Variants in ABCC10 observed in about 807,000 individuals in gnomAD.
The protein encoded by ABCC10 is ATP binding cassette subfamily C member 10, also known as ATP-binding cassette sub-family C member 10.
Under a neutral mutation model 143.2 loss-of-function variants are expected in ABCC10, and 110 were observed. The ratio of observed to expected loss-of-function variants is 0.77; its 90% CI spans 0.66 to 0.90. The LOEUF (loss-of-function observed/expected upper bound fraction) is 0.90, where lower values mean the gene tolerates loss of function less well. Among genes scored for constraint, ABCC10 ranks in the 40% least tolerant of loss-of-function variants. The probability of loss-of-function intolerance (pLI) is 0.00; values close to 1 mark genes in which losing one functional copy is unlikely to be tolerated. For synonymous variants in ABCC10, 805 were observed against 846.7 expected (o/e 0.95, Z 0.85); for missense variants, 1,700 against 1,900.5 (o/e 0.89, Z 1.96).
chr6:43,437,890 C>G, intron 6 of ABCC10, 44 bp from the exon 7 acceptor site: 1 of 1,587,600 alleles, frequency 6.3e-7, no homozygotes, highest in Non-Finnish European at 8.6e-7. Flanking sequence ...CCACCTCTGT[C>G]CTGTCTCCTA....
At position 43,443,697 on chromosome 6, in the gene ABCC10, C is replaced by T. The variant is rs747179377; in HGVS notation, c.2417-236C>T. On this transcript the variant is annotated intron_variant, in intron 10 of 21. Coordinates refer to ENST00000372530, the MANE Select transcript of ABCC10 (RefSeq NM_001198934.2). This position sits in a 1 kb window ranked among gnomAD's most constrained non-coding sequence, Gnocchi z 4.2. ...TGGACATTCGTCCCTCTCTGCTGGT[C>T]GGAATCAAGGTTTACAAGGATGGAC... 8.0e-5 allele frequency: 40 copies of T among 502,532 alleles called. No homozygotes were observed. The highest frequency in any genetic ancestry group is 1.2e-4 in the Non-Finnish European group (33 of 277,492). 31.1% of individuals were successfully genotyped at this position (502,532 alleles called of 1,614,324 possible). A position where few individuals can be genotyped will look rare whatever the true frequency, so the allele number is the denominator to read the frequency against.
At chr6:43,441,985 T>C in intron 9 of ABCC10, 25 bp downstream of exon 9, 1 of 1,605,092 alleles carries the variant, frequency 6.2e-7, no homozygotes, top group East Asian at 2.2e-5. Context: ...GAGGTTGCAG[T>C]GGCAGGGAGG....
downstream of ABCC10, chr6:43,450,587 G>A (rs747244019): frequency 1.3e-6 from 2 of 1,588,524 alleles, no homozygotes; most frequent in Admixed American, 3.4e-5. The surrounding 1 kb of genome is among the most constrained non-coding windows in gnomAD (Gnocchi z 4.5). Flanking sequence ...CACGTGGCAG[G>A]GGGAGCCCTG....
chr6:43,443,889 A>G lies in ABCC10; in HGVS notation c.2417-44A>G. On this transcript the variant is annotated intron_variant, in intron 10 of 21. Transcript: ENST00000372530. The surrounding 1 kb of genome is among the most constrained non-coding windows in gnomAD (Gnocchi z 4.2). ...ACACGCACTGAGAAAGGCATAGTAT[A>G]GACTCAGAACAGTCCTCTCCCAATC... 6.4e-7 allele frequency: 1 copy of G among 1,555,834 alleles called. No individual in the cohort carries two copies. Among genetic ancestry groups the G allele is most frequent in the Non-Finnish European group, 8.9e-7 (1 of 1,126,838 alleles).
Position 43,432,790 on chromosome 6 carries a change from G to A in ABCC10, c.810G>A (p.Gly270=), listed in dbSNP as rs779458347. ...TCTTCCAGGCACACTGGCAGGAGGG[G>A]GCACGGCTGTGGAGGGCCTTGTATG... is the stretch of plus-strand genomic sequence containing the variant. ...ARVFQAHWQE[G]ARLWRALYGA... The change falls in exon 3 of 22, where the codon GGG becomes GGA. Residue 270 remains glycine (G), a synonymous_variant. Transcript: ENST00000372530. The A allele has an allele frequency of 3.3e-5, 54 of 1,614,062 alleles. No homozygotes were observed. The Middle Eastern group carries it at 9.9e-4, about 29-fold the overall frequency.
downstream of ABCC10, chr6:43,450,620 C>T (rs367782626): frequency 3.7e-6 from 6 of 1,611,274 alleles, no homozygotes; most frequent in African/African-American, 8.0e-5. This position sits in a 1 kb window ranked among gnomAD's most constrained non-coding sequence, Gnocchi z 4.5. Flanking sequence ...TAACCTGACA[C>T]TCCTGGTCCT....
chr6:43,450,187 C>T lies in ABCC10; in HGVS notation c.*96C>T. On this transcript the variant is annotated 3_prime_UTR_variant, in exon 22 of 22. Transcript: ENST00000372530. The surrounding 1 kb of genome is among the most constrained non-coding windows in gnomAD (Gnocchi z 4.5). ...TGCTTGTTTACATTCTCCTCTGGGG[C>T]TCTACCTCTCCACACTTCCCCAGAA... The T allele has an allele frequency of 7.2e-7, 1 of 1,385,472 alleles. No individual in the cohort carries two copies. The highest frequency in any genetic ancestry group is 1.5e-5 in the African/African-American group (1 of 68,842). The allele number at this position is 1,385,472 out of a possible 1,614,324, so 85.8% of individuals were successfully genotyped here.
At chr6:43,444,112 C>T (rs1157556844) in intron 11 of ABCC10, 47 bp from the exon 12 acceptor site, 2 of 1,610,340 alleles carry the variant, frequency 1.2e-6, no homozygotes, top group Admixed American at 1.7e-5. Flanking sequence ...GAGTTTTCAG[C>T]TGGCACCCTG....
chr6:43,449,007 T>C lies in ABCC10; in HGVS notation c.4086T>C (p.Ser1362=), dbSNP rs757886613. 1 of 1,613,596 alleles carries C rather than the reference T, an allele frequency of 6.2e-7. No homozygotes were observed. Among genetic ancestry groups the C allele is most frequent in the Non-Finnish European group, 8.5e-7 (1 of 1,179,816 alleles). ...AGGCCCTGAAGCAGTGCCACCTGAG[T>C]GAGGTGATTACATCCATGGGTGAGT... ...LWQALKQCHL[S]EVITSMGGLD... Residue 1362 remains serine (S), a synonymous_variant, in exon 19 of 22, where the codon AGT becomes AGC. Coordinates refer to ENST00000372530, the MANE Select transcript of ABCC10 (RefSeq NM_001198934.2).
Position 43,432,403 on chromosome 6 carries a change from G to C in ABCC10, c.423G>C (p.Leu141Phe). The part of the protein sequence containing the change: ...RGPLALALVA[L>F]LPAPALVLTV... Reference sequence around the variant, plus strand: ...CCTTGGCCTTGGCCCTGGTAGCCTTGCTGCCAGCTCCAGCCCTAGTGCTGA... The same window carrying C: ...CCTTGGCCTTGGCCCTGGTAGCCTTCCTGCCAGCTCCAGCCCTAGTGCTGA... Residue 141 changes from leucine (L) to phenylalanine (F), a missense_variant, in exon 3 of 22, where the codon TTG (leucine) becomes TTC (phenylalanine). Coordinates refer to ENST00000372530, the MANE Select transcript of ABCC10 (RefSeq NM_001198934.2). 6.2e-7 allele frequency: 1 copy of C among 1,612,152 alleles called. No homozygotes were observed. Among genetic ancestry groups the C allele is most frequent in the South Asian group, 1.1e-5 (1 of 91,092 alleles).
chr6:43,450,298 C>A lies in ABCC10; in HGVS notation c.*207C>A. The A allele has an allele frequency of 1.2e-6, 1 of 835,342 alleles. No homozygotes were observed. The highest frequency in any genetic ancestry group is 1.8e-6 in the Non-Finnish European group (1 of 565,170). 51.7% of individuals were successfully genotyped at this position (835,342 alleles called of 1,614,324 possible). Reference sequence around the variant, plus strand: ...GCTTCCCCAGAACCAGGCCTCTGCTCTGGCCCTCTTGCATCTGGAACGCCA... The same window carrying A: ...GCTTCCCCAGAACCAGGCCTCTGCTATGGCCCTCTTGCATCTGGAACGCCA... On this transcript the variant is annotated 3_prime_UTR_variant, in exon 22 of 22. Coordinates refer to ENST00000372530, the MANE Select transcript of ABCC10 (RefSeq NM_001198934.2). This position sits in a 1 kb window ranked among gnomAD's most constrained non-coding sequence, Gnocchi z 4.5.
chr6:43,429,960 A>G (rs1298461685), intron 2 of ABCC10, among the ~76,000 whole-genome samples: 1 of 152,194 alleles, frequency 6.6e-6, no homozygotes, highest in Non-Finnish European at 1.5e-5. Context: ...AATTATTTTT[A>G]GTAGAGACAA....
intron 12 of ABCC10, 120 bp downstream of exon 12, chr6:43,444,473 A>G (rs1782811615): frequency 1.6e-6 from 2 of 1,268,146 alleles, no homozygotes; most frequent in African/African-American, 3.0e-5. Context: ...AGCTGGGACA[A>G]AAGCCATACT....
At chr6:43,434,890 C>G (rs1320852371) in intron 4 of ABCC10, 42 bp downstream of exon 4, 2 of 1,590,602 alleles carry the variant, frequency 1.3e-6, no homozygotes, top group South Asian at 1.1e-5. Context: ...AAGGAGACTT[C>G]AGCGAAGTGA....
chr6:43,450,161 C>T lies in ABCC10; in HGVS notation c.*70C>T. ...GGCCGGGCCTATACAGAGGTGCTGG[C>T]TGCTTGTTTACATTCTCCTCTGGGG... On this transcript the variant is annotated 3_prime_UTR_variant, in exon 22 of 22. Coordinates refer to ENST00000372530, the MANE Select transcript of ABCC10 (RefSeq NM_001198934.2). This position sits in a 1 kb window ranked among gnomAD's most constrained non-coding sequence, Gnocchi z 4.5. 2.0e-6 allele frequency: 3 copies of T among 1,490,476 alleles called. No homozygotes were observed. The highest frequency in any genetic ancestry group is 2.7e-6 in the Non-Finnish European group (3 of 1,107,694). The allele number at this position is 1,490,476 out of a possible 1,614,324, so 92.3% of individuals were successfully genotyped here.
At chr6:43,440,123 A>T (rs1317954998) in intron 8 of ABCC10, among the ~76,000 whole-genome samples, 1 of 151,356 alleles carries the variant, frequency 6.6e-6, no homozygotes, top group Non-Finnish European at 1.5e-5. Context: ...CGCCTGCCTA[A>T]TTTTTGTATT....
rs1194830307 is a variant in ABCC10 at position 43,433,013 on chromosome 6, G to A, written c.1033G>A (p.Gly345Arg). 6.8e-6 allele frequency: 11 copies of A among 1,614,014 alleles called. No homozygotes were observed. Among genetic ancestry groups the A allele is most frequent in the Non-Finnish European group, 9.3e-6 (11 of 1,180,032 alleles). The part of the protein sequence containing the change: ...VLGAVLQNQY[G>R]YEVYKVTLQA... Reference sequence around the variant, plus strand: ...GGGTGCTGTGCTGCAGAATCAGTATGGGTATGAGGTATATAAGGTAACACT... The same window carrying A: ...GGGTGCTGTGCTGCAGAATCAGTATAGGTATGAGGTATATAAGGTAACACT... The change falls in exon 3 of 22, where the codon GGG becomes AGG. Residue 345 changes from glycine to arginine, a missense_variant. Transcript: ENST00000372530.
At chr6:43,438,205 G>C in intron 7 of ABCC10, 192 bp downstream of exon 7, 1 of 897,220 alleles carries the variant, frequency 1.1e-6, no homozygotes, top group South Asian at 1.7e-5. Flanking sequence ...CATTACACCA[G>C]AGTGTTTTAA....
chr6:43,444,388 C>T (rs370861428), intron 12 of ABCC10, 35 bp downstream of exon 12: 51 of 1,561,598 alleles, frequency 3.3e-5, no homozygotes, highest in African/African-American at 2.6e-4. Context: ...TACATCGTAA[C>T]GGCTGTGCTG....
Sources: allele counts gnomAD v4.1 joint callset (sites outside exome capture counted in the v4.1 genomes callset), GRCh38; gene constraint gnomAD v4.1.1; non-coding constraint Gnocchi (gnomAD v3.1); transcripts MANE v1.5; gene names NCBI Gene and HGNC (gene_info 2026-07-23, HGNC 2026-07-21).